The following EDARADD variants were observed in gnomAD, a reference collection of about 807,000 sequenced individuals.
EDARADD encodes the protein ectodysplasin-A receptor-associated adapter protein.
In EDARADD, 20 loss-of-function variants were observed where a neutral mutation model predicts 25.6. The observed-to-expected ratio is 0.78, with a 90% CI of 0.55 to 1.14. EDARADD has a LOEUF of 1.14. EDARADD is among the 50% of genes most tolerant of loss of function. The pLI is 0.00. For synonymous variants in EDARADD, 86 were observed against 94.4 expected (o/e 0.91, Z 0.52); for missense variants, 225 against 270.1 (o/e 0.83, Z 1.17).
intron 5 of EDARADD, among the ~76,000 whole-genome samples, chr1:236,481,860 T>A (rs892679408): frequency 6.7e-6 from 1 of 150,154 alleles, no homozygotes; most frequent in African/African-American, 2.5e-5. Flanking sequence ...ATGCCTATAA[T>A]CGCAGCACTT....
At chr1:236,429,794 C>T (rs1189061039) in intron 4 of EDARADD, among the ~76,000 whole-genome samples, 1 of 152,192 alleles carries the variant, frequency 6.6e-6, no homozygotes, top group African/African-American at 2.4e-5. Context: ...TTTCTGGGGA[C>T]TTCCTTGGTC....
chr1:236,363,006 A>AAAAATATATATAT (rs1377112051), intron 3 of EDARADD, among the ~76,000 whole-genome samples: 4 of 42,952 alleles, frequency 9.3e-5, no homozygotes, highest in Non-Finnish European at 1.1e-4. Context: ...AAAAAAAAAA[A>AAAAATATATATAT]ATATATATAT....
chr1:236,421,382 T>C (rs1277913771), intron 3 of EDARADD, among the ~76,000 whole-genome samples: 1 of 145,416 alleles, frequency 6.9e-6, no homozygotes, highest in Non-Finnish European at 1.5e-5. Context: ...GAACAAGGAC[T>C]GTGCGTGGTC....
At chr1:236,392,701 C>CA (rs921652067), upstream of EDARADD, among the ~76,000 whole-genome samples, 1 of 148,818 alleles carries the variant, frequency 6.7e-6, no homozygotes, top group Admixed American at 6.7e-5. Context: ...GATGGAGTCT[C>CA]ACTCTGTCAC....
At position 236,367,668 on chromosome 1, in the gene EDARADD, A is replaced by G. The variant is rs1055178914; in HGVS notation, c.-6+16829A>G. On this transcript the variant is annotated intron_variant, in intron 3 of 7. Transcript: ENST00000439430. Reference sequence around the variant, plus strand: ...GTGTGAGTCACCATGCCCAGCCACAATATTTTTCAAACCCTAAAATGAGAC... The same window carrying G: ...GTGTGAGTCACCATGCCCAGCCACAGTATTTTTCAAACCCTAAAATGAGAC... Among the ~76,000 whole-genome samples, 3 of 152,186 alleles carry G rather than the reference A, an allele frequency of 2.0e-5. No homozygotes were observed. The East Asian group carries it at 5.8e-4, about 29-fold the overall frequency.
intron 5 of EDARADD, among the ~76,000 whole-genome samples, chr1:236,475,399 A>G (rs1659473400): frequency 6.6e-6 from 1 of 152,226 alleles, no homozygotes; most frequent in South Asian, 2.1e-4. Flanking sequence ...CTAAAAGGCA[A>G]CTATAGATTC....
intron 4 of EDARADD, among the ~76,000 whole-genome samples, chr1:236,429,566 G>A (rs1658041624): frequency 7.2e-6 from 1 of 139,124 alleles, no homozygotes; most frequent in Non-Finnish European, 1.6e-5. Context: ...TGAATTTTTA[G>A]TAGAGACGGG....
rs34501977 is a variant in EDARADD, at chr1:236,429,544, A to ATT, written c.219+2105_219+2106dup. 8.4e-3 allele frequency among the ~76,000 whole-genome samples: 1,212 copies of ATT among 144,560 alleles called. 18 individuals carry two copies. The highest frequency in any genetic ancestry group is 0.028 in the African/African-American group (1,113 of 39,594). The allele number at this position is 144,560 out of a possible 152,430, so 94.8% of individuals were successfully genotyped here. Reference sequence around the variant, plus strand: ...AGGCGCCCGCCACCATGACCCGCTAATTTTTTTTTTTTGAATTTTTAGTAG... The same window carrying ATT: ...AGGCGCCCGCCACCATGACCCGCTAATTTTTTTTTTTTTTGAATTTTTAGTAG... On this transcript the variant is annotated intron_variant, in intron 4 of 5. Coordinates refer to ENST00000334232, the MANE Select transcript of EDARADD (RefSeq NM_145861.4).
intron 1 of EDARADD, among the ~76,000 whole-genome samples, chr1:236,396,703 T>G (rs1667521327): frequency 6.6e-6 from 1 of 152,102 alleles, no homozygotes; most frequent in Non-Finnish European, 1.5e-5. Context: ...TACCTTTTTT[T>G]TTTTTAAGTG....
At chr1:236,373,238 C>T (rs530397502) in intron 3 of EDARADD, among the ~76,000 whole-genome samples, 18 of 151,290 alleles carry the variant, frequency 1.2e-4, no homozygotes, top group African/African-American at 4.1e-4. Context: ...CAGAGTCTCC[C>T]TCTGTTGCCC....
intron 5 of EDARADD, among the ~76,000 whole-genome samples, chr1:236,475,135 A>AAAAAC (rs1259714426): frequency 1.1e-4 from 17 of 151,192 alleles, no homozygotes; most frequent in Non-Finnish European, 2.5e-4. Flanking sequence ...CTCCGTCTCA[A>AAAAAC]AAAACAAAAC....
intron 4 of EDARADD, among the ~76,000 whole-genome samples, chr1:236,467,046 A>G (rs1659214145): frequency 6.6e-6 from 1 of 151,716 alleles, no homozygotes; most frequent in South Asian, 2.1e-4. Context: ...AGCCTGGGCG[A>G]CAGAGCAAGA....
rs1329100059 is a variant in EDARADD at position 236,482,401 on chromosome 1, C to G, written c.400C>G (p.Pro134Ala). Residue 134 changes from proline to alanine, a missense_variant, in exon 6 of 6, where the codon CCA becomes GCA. By Grantham distance (27) the Pro-to-Ala change is conservative. Transcript: ENST00000334232. ...CAGGATAAAGCTGGATCCGTGTCAC[C>G]CAACGGTGAAAAACTGGAGGAATTT... is the stretch of plus-strand genomic sequence containing the variant. The part of the protein sequence containing the change: ...VIRIKLDPCH[P>A]TVKNWRNFAS... 1 of 1,614,146 alleles carries G rather than the reference C, an allele frequency of 6.2e-7. No homozygotes were observed. The highest frequency in any genetic ancestry group is 8.5e-7 in the Non-Finnish European group (1 of 1,180,028).
intron 4 of EDARADD, among the ~76,000 whole-genome samples, chr1:236,467,429 C>CGT: frequency 7.4e-6 from 1 of 134,338 alleles, no homozygotes; most frequent in African/African-American, 3.0e-5. Flanking sequence ...CACACGCGCA[C>CGT]ACACACACAC....
intron 4 of EDARADD, among the ~76,000 whole-genome samples, chr1:236,454,001 A>G (rs1367022017): frequency 1.3e-5 from 2 of 152,208 alleles, no homozygotes; most frequent in Non-Finnish European, 2.9e-5. Context: ...TCAAGGAAAC[A>G]GAAATCTATT....
chr1:236,369,511 GT>G (rs1667151644), intron 3 of EDARADD, among the ~76,000 whole-genome samples: 1 of 152,136 alleles, frequency 6.6e-6, no homozygotes, highest in African/African-American at 2.4e-5. Context: ...TTTATCCATT[GT>G]TTTTTGTATA....
At chr1:236,381,801 CTTTTTTTTTT>C (rs71559949) in intron 3 of EDARADD, among the ~76,000 whole-genome samples, 26 of 42,078 alleles carry the variant, frequency 6.2e-4, no homozygotes, top group African/African-American at 2.1e-3. Flanking sequence ...CCTGTGGTTG[CTTTTTTTTTT>C]TTTTTTTTTT....
At chr1:236,383,582 C>T (rs1214609673) in intron 3 of EDARADD, among the ~76,000 whole-genome samples, 1 of 152,124 alleles carries the variant, frequency 6.6e-6, no homozygotes, top group East Asian at 1.9e-4. Flanking sequence ...GTTCCTGTTA[C>T]TCTATCTTGG....
At chr1:236,385,769 T>G (rs1236020197) in intron 3 of EDARADD, among the ~76,000 whole-genome samples, 2 of 152,052 alleles carry the variant, frequency 1.3e-5, no homozygotes, top group Non-Finnish European at 2.9e-5. Flanking sequence ...TGTTAAGAGA[T>G]TCTCTTGTAT....
Sources: allele counts gnomAD v4.1 joint callset (sites outside exome capture counted in the v4.1 genomes callset), GRCh38; gene constraint gnomAD v4.1.1; transcripts MANE v1.5; gene names NCBI Gene and HGNC (gene_info 2026-07-23, HGNC 2026-07-21).